The following FIGN variants were observed in gnomAD, a reference collection of about 807,000 sequenced individuals.
The protein encoded by FIGN is fidgetin.
In FIGN, 11 loss-of-function variants were observed where a neutral mutation model predicts 51.3. That is an observed-to-expected ratio of 0.21 (90% CI 0.13 to 0.35). The LOEUF is 0.35. Among genes scored for constraint, FIGN ranks in the 10% least tolerant of loss-of-function variants. The pLI is 1.00. For synonymous variants in FIGN, 407 were observed against 363.2 expected, an observed-to-expected ratio of 1.12 and a Z score of -1.37; for missense variants, 857 against 943.6, an observed-to-expected ratio of 0.91 and a Z score of 1.20.
intron 2 of FIGN, among the ~76,000 whole-genome samples, chr2:163,658,560 C>A (rs1041964550): frequency 6.6e-6 from 1 of 152,068 alleles, no homozygotes; most frequent in Non-Finnish European, 1.5e-5. Flanking sequence ...AGGCTGCTTC[C>A]ACTCATGGTG....
chr2:163,610,083 A>C lies in FIGN; in HGVS notation c.1749T>G (p.Phe583Leu). The change falls in exon 3 of 3, where the codon TTT becomes TTG. Residue 583 changes from phenylalanine (F) to leucine (L), a missense_variant. Around this residue, in one of 3 missense-constraint regions of FIGN, gnomAD observed 799 missense variants for 849.5 expected, o/e 0.94. Coordinates refer to ENST00000333129, the MANE Select transcript of FIGN (RefSeq NM_018086.4). The part of the protein sequence containing the change: ...VARCRQPSVI[F>L]VSDIDMLLSS... ...AGAGAAGCATGTCAATGTCACTAAC[A>C]AAAATCACCGAGGGCTGGCGACACC... 6.2e-7 allele frequency: 1 copy of C among 1,613,952 alleles called. No individual in the cohort carries two copies. Among genetic ancestry groups the C allele is most frequent in the Non-Finnish European group, 8.5e-7 (1 of 1,179,852 alleles).
At chr2:163,719,654 T>C (rs1276735289) in intron 2 of FIGN, among the ~76,000 whole-genome samples, 3 of 152,174 alleles carry the variant, frequency 2.0e-5, no homozygotes, top group Non-Finnish European at 4.4e-5. Context: ...GTTTAGTTTC[T>C]AGTAAGAAGA....
chr2:163,663,441 T>C (rs535355102), intron 2 of FIGN, among the ~76,000 whole-genome samples: 3 of 151,684 alleles, frequency 2.0e-5, no homozygotes, highest in African/African-American at 7.2e-5. Flanking sequence ...TTCAAGGGAT[T>C]CTCCTGCCTC....
chr2:163,711,649 T>A (rs1437466802), intron 2 of FIGN, among the ~76,000 whole-genome samples: 12 of 99,950 alleles, frequency 1.2e-4, no homozygotes, highest in African/African-American at 4.1e-4. Flanking sequence ...ATGTGTATAT[T>A]GTTTCTACAA....
At position 163,696,433 on chromosome 2, in the gene FIGN, A is replaced by T. The variant is rs139009405; in HGVS notation, c.25+38470T>A. Among the ~76,000 whole-genome samples, 1,507 of 152,256 alleles carry T rather than the reference A, an allele frequency of 9.9e-3. 12 individuals carry two copies. Among genetic ancestry groups the T allele is most frequent in the Middle Eastern group, 0.048 (14 of 294 alleles). Reference sequence around the variant, plus strand: ...TTTCCCACCTCACAATCGTTTACTTATCACTTAAGGCCCAACTTTAATGTC... The same window carrying T: ...TTTCCCACCTCACAATCGTTTACTTTTCACTTAAGGCCCAACTTTAATGTC... On this transcript the variant is annotated intron_variant, in intron 2 of 2. Coordinates refer to ENST00000333129, the MANE Select transcript of FIGN (RefSeq NM_018086.4).
rs1691266419 is a variant in FIGN, at chr2:163,611,735, G to A, written c.97C>T (p.Arg33Trp). 4.3e-6 allele frequency: 7 copies of A among 1,614,024 alleles called. No homozygotes were observed. Among genetic ancestry groups the A allele is most frequent in the African/African-American group, 1.3e-5 (1 of 74,934 alleles). The change falls in exon 3 of 3, where the codon CGG becomes TGG. Residue 33 changes from arginine to tryptophan, a missense_variant. By Grantham distance (101) the Arg-to-Trp change is moderately radical (BLOSUM62 -3). Transcript: ENST00000333129. ...GCTTCAACTTTGTGGGCAGGAGACC[G>A]AGTGGTTGAGGTGATGTCAAAGTGC... ...EQHFDITSTT[R>W]SPAHKVEAYR...
rs1331022430 is a variant in FIGN, at chr2:163,679,453, G to A, written c.25+55450C>T. Among the ~76,000 whole-genome samples, 8 of 151,130 alleles carry A rather than the reference G, an allele frequency of 5.3e-5. No individual in the cohort carries two copies. The East Asian group carries it at 1.6e-3, about 30-fold the overall frequency. On this transcript the variant is annotated intron_variant, in intron 2 of 2. Coordinates refer to ENST00000333129, the MANE Select transcript of FIGN (RefSeq NM_018086.4). ...AGAGCTTGCAGTGAGCAGAGATCAC[G>A]CCACTGCACTGCAGCCTGGGCGACA...
At chr2:163,661,913 T>C (rs1379294798) in intron 2 of FIGN, among the ~76,000 whole-genome samples, 1 of 152,162 alleles carries the variant, frequency 6.6e-6, no homozygotes, top group African/African-American at 2.4e-5. Flanking sequence ...TTCCCAGTCT[T>C]GAGTATGTCT....
intron 2 of FIGN, among the ~76,000 whole-genome samples, chr2:163,714,097 G>C (rs889276549): frequency 3.3e-5 from 5 of 152,216 alleles, no homozygotes; most frequent in African/African-American, 1.2e-4. Context: ...TTTCCAATCT[G>C]ATTACACGGC....
intron 2 of FIGN, among the ~76,000 whole-genome samples, chr2:163,684,051 A>G (rs915328135): frequency 6.4e-4 from 98 of 152,160 alleles, no homozygotes; most frequent in Non-Finnish European, 5.7e-4. Context: ...TAAAATCTCC[A>G]CTAATGAGAA....
At chr2:163,652,361 A>ACACACGC (rs776188112) in intron 2 of FIGN, among the ~76,000 whole-genome samples, 1 of 139,374 alleles carries the variant, frequency 7.2e-6, no homozygotes, top group African/African-American at 2.8e-5. Context: ...CACACACACA[A>ACACACGC]ACACACACAC....
chr2:163,668,017 C>CCCT (rs1553498968), intron 2 of FIGN, among the ~76,000 whole-genome samples: 1 of 147,532 alleles, frequency 6.8e-6, no homozygotes, highest in Non-Finnish European at 1.5e-5. Flanking sequence ...ACCTCCAACC[C>CCCT]CCCCCCCCAA....
At chr2:163,639,629 T>C (rs1037533127) in intron 2 of FIGN, among the ~76,000 whole-genome samples, 1 of 152,130 alleles carries the variant, frequency 6.6e-6, no homozygotes, top group African/African-American at 2.4e-5. Context: ...GCCGTGAAAA[T>C]TCCTTTACTC....
intron 2 of FIGN, among the ~76,000 whole-genome samples, chr2:163,722,887 A>G (rs915250147): frequency 6.6e-6 from 1 of 152,006 alleles, no homozygotes; most frequent in Non-Finnish European, 1.5e-5. Context: ...TTAAAATAAG[A>G]TTAATAAAAT....
At chr2:163,735,099 G>A in intron 1 of FIGN, 27 bp from the exon 2 acceptor site, 1 of 525,896 alleles carries the variant, frequency 1.9e-6, no homozygotes, top group Non-Finnish European at 3.3e-6. Context: ...AAGGGGGAAA[G>A]CAACATCAAC....
chr2:163,609,940 C>G lies in FIGN; in HGVS notation c.1892G>C (p.Ser631Thr). 2 of 1,614,010 alleles carry G rather than the reference C, an allele frequency of 1.2e-6. No homozygotes were observed. Among genetic ancestry groups the G allele is most frequent in the South Asian group, 2.2e-5 (2 of 91,090 alleles). Residue 631 changes from serine to threonine, a missense_variant, in exon 3 of 3, where the codon AGT (serine) becomes ACT (threonine). This residue lies in a region of FIGN where 799 missense variants were observed against 849.5 expected (regional missense o/e 0.94). Coordinates refer to ENST00000333129, the MANE Select transcript of FIGN (RefSeq NM_018086.4). The part of the protein sequence containing the change: ...EDQIVVICAT[S>T]KPEEIDESLR... ...GGATTCATCTATTTCTTCTGGTTTA[C>G]TGGTGGCACAAATTACTACGATTTG...
At chr2:163,621,454 A>G (rs1259265719) in intron 2 of FIGN, among the ~76,000 whole-genome samples, 1 of 152,192 alleles carries the variant, frequency 6.6e-6, no homozygotes, top group African/African-American at 2.4e-5. Flanking sequence ...CTTTGATATG[A>G]AAGTAGTGGA....
At chr2:163,647,191 G>A (rs12477243) in intron 2 of FIGN, among the ~76,000 whole-genome samples, 16,237 of 152,128 alleles carry the variant, frequency 0.11, 1,006 homozygotes, top group East Asian at 0.22. Context: ...TTAAAACAAG[G>A]TACATACAAA....
At chr2:163,696,350 C>T (rs898187401) in intron 2 of FIGN, among the ~76,000 whole-genome samples, 1 of 151,908 alleles carries the variant, frequency 6.6e-6, no homozygotes. Flanking sequence ...CCTGGTACCC[C>T]ATGAAACAGA....
Sources: allele counts gnomAD v4.1 joint callset (sites outside exome capture counted in the v4.1 genomes callset), GRCh38; gene constraint gnomAD v4.1.1; regional missense constraint gnomAD v4.1.1; transcripts MANE v1.5; gene names NCBI Gene and HGNC (gene_info 2026-07-23, HGNC 2026-07-21).